STX8: variants seen among roughly 807,000 people sequenced by gnomAD.
STX8 encodes the protein syntaxin 8, also known as syntaxin-8.
STX8 carries 23 observed loss-of-function variants against 37.5 expected under a neutral mutation model. The ratio of observed to expected loss-of-function variants is 0.61; its 90% CI spans 0.44 to 0.87. STX8 has a LOEUF of 0.87. STX8 is among the 40% of genes least tolerant of loss of function. The pLI is 0.00. For missense variants in STX8, 313 were observed against 284.7 expected (o/e 1.10, Z -0.71); for synonymous variants, 115 against 99.1 (o/e 1.16, Z -0.95).
intron 6 of STX8, chr17:9,467,559 TC>T (rs1284097194): frequency 6.6e-6 from 1 of 152,168 alleles, no homozygotes; most frequent in African/African-American, 2.4e-5. Flanking sequence ...GAGAAGAGCA[TC>T]CTGGAGAAAG....
At chr17:9,490,779 C>A (rs1264090553) in intron 6 of STX8, among the ~76,000 whole-genome samples, 2 of 152,122 alleles carry the variant, frequency 1.3e-5, no homozygotes, top group Admixed American at 6.5e-5. Context: ...GAGAGGAAGC[C>A]AGTTTAGCAG....
intron 7 of STX8, among the ~76,000 whole-genome samples, chr17:9,294,434 G>C (rs1373641636): frequency 6.6e-6 from 1 of 152,228 alleles, no homozygotes; most frequent in African/African-American, 2.4e-5. Context: ...GGCAACTGTT[G>C]CTTCTCCATC....
chr17:9,522,792 A>C (rs1905408593), intron 4 of STX8, among the ~76,000 whole-genome samples: 1 of 152,028 alleles, frequency 6.6e-6, no homozygotes, highest in Non-Finnish European at 1.5e-5. Context: ...GGTTGGGGGA[A>C]GGAAAGGTTG....
chr17:9,508,517 T>C (rs950425497), intron 4 of STX8, among the ~76,000 whole-genome samples: 1 of 152,102 alleles, frequency 6.6e-6, no homozygotes, highest in Non-Finnish European at 1.5e-5. Context: ...TTGGTAGAGA[T>C]GGGGTTTCAC....
At chr17:9,305,325 T>C (rs1908941971) in intron 7 of STX8, among the ~76,000 whole-genome samples, 1 of 152,038 alleles carries the variant, frequency 6.6e-6, no homozygotes. Flanking sequence ...ACTCCTGACC[T>C]CGTGGTCCAC....
At chr17:9,369,320 C>T (rs547722332) in intron 7 of STX8, among the ~76,000 whole-genome samples, 2 of 152,030 alleles carry the variant, frequency 1.3e-5, no homozygotes, top group African/African-American at 4.8e-5. Flanking sequence ...GAAAAAGGGG[C>T]CAAGAGATTT....
At chr17:9,516,085 G>A (rs1171776077) in intron 4 of STX8, among the ~76,000 whole-genome samples, 1 of 151,726 alleles carries the variant, frequency 6.6e-6, no homozygotes, top group Non-Finnish European at 1.5e-5. Context: ...GGTATGTAAA[G>A]ATACTTTGAA....
chr17:9,556,750 AATATATATATATATATATATATAT>A lies in STX8; in HGVS notation c.212+660_212+683del, dbSNP rs575240217. ...CCTGGCCCAGATTATGAATTTCTAA[AATATATATATATATATATATATAT>A]ATATATATATATATATATATACACA... On this transcript the variant is annotated intron_variant, in intron 3 of 7. Transcript: ENST00000306357. 1.6e-3 allele frequency: 160 copies of A among 99,550 alleles called. 1 individual carries two copies. The highest frequency in any genetic ancestry group is 6.2e-3 in the African/African-American group (145 of 23,306). The allele number at this position is 99,550 out of a possible 1,614,324, so 6.2% of individuals were successfully genotyped here.
At chr17:9,346,499 A>G (rs979710538) in intron 7 of STX8, among the ~76,000 whole-genome samples, 5 of 152,180 alleles carry the variant, frequency 3.3e-5, no homozygotes, top group Non-Finnish European at 7.3e-5. Context: ...TTTAGCAAGC[A>G]ATGACCACAA....
At chr17:9,491,281 A>G (rs991814892) in intron 6 of STX8, among the ~76,000 whole-genome samples, 6 of 144,016 alleles carry the variant, frequency 4.2e-5, no homozygotes, top group African/African-American at 1.7e-4. Flanking sequence ...CTGCCCCTAC[A>G]ACCCATCCAG....
chr17:9,545,579 A>G (rs757939986), intron 3 of STX8, among the ~76,000 whole-genome samples: 5 of 152,006 alleles, frequency 3.3e-5, no homozygotes, highest in Non-Finnish European at 7.4e-5. Flanking sequence ...CCCCGTGACC[A>G]AACTTATTTA....
intron 3 of STX8, among the ~76,000 whole-genome samples, chr17:9,546,090 A>G (rs1906496551): frequency 6.6e-6 from 1 of 152,240 alleles, no homozygotes; most frequent in African/African-American, 2.4e-5. Flanking sequence ...ATCTATTAAC[A>G]CACCTAGGAT....
In STX8 at chr17:9,341,142, A is replaced by G. The variant is rs554420334; in HGVS notation, c.643+37410T>C. On this transcript the variant is annotated intron_variant, in intron 7 of 7. Transcript: ENST00000306357. ...CGAAATTAAGCAATTTCACATGGAA[A>G]TGGAGGTTTTGGCTTGCCTTGAAAA... Among the ~76,000 whole-genome samples the G allele has an allele frequency of 5.9e-5, 9 of 152,048 alleles. No individual in the cohort carries two copies. The South Asian group carries it at 1.9e-3, about 32-fold the overall frequency.
chr17:9,462,293 C>A lies in STX8; in HGVS notation c.541+29536G>T, dbSNP rs1001693075. Among the ~76,000 whole-genome samples the A allele has an allele frequency of 3.9e-5, 6 of 152,174 alleles. No individual in the cohort carries two copies. The South Asian group carries it at 1.2e-3, about 32-fold the overall frequency. ...GGCTGACAAGAAAGGCAGAAAGGAG[C>A]CCCTGGAGTGATCTAATGAAGACAA... On this transcript the variant is annotated intron_variant, in intron 6 of 7. Transcript: ENST00000306357.
At chr17:9,513,020 A>T (rs1029704851) in intron 4 of STX8, among the ~76,000 whole-genome samples, 5 of 152,212 alleles carry the variant, frequency 3.3e-5, no homozygotes, top group Non-Finnish European at 7.3e-5. Context: ...AAGCAAAAAG[A>T]AACGAATGAG....
chr17:9,488,522 T>A (rs1251913843), intron 6 of STX8, among the ~76,000 whole-genome samples: 2 of 152,116 alleles, frequency 1.3e-5, no homozygotes, highest in Admixed American at 1.3e-4. Context: ...CCCAATGTCA[T>A]GACAAGGGTC....
chr17:9,575,152 T>C (rs887434260), intron 1 of STX8, among the ~76,000 whole-genome samples: 1 of 152,258 alleles, frequency 6.6e-6, no homozygotes, highest in Non-Finnish European at 1.5e-5. Context: ...TCCTTGGGAT[T>C]AACTGCTAAA....
At chr17:9,513,139 A>C (rs1424159491) in intron 4 of STX8, among the ~76,000 whole-genome samples, 1 of 152,086 alleles carries the variant, frequency 6.6e-6, no homozygotes, top group Non-Finnish European at 1.5e-5. Context: ...CAGAGGATTA[A>C]TATGCAAAAT....
chr17:9,327,105 C>T (rs913342620), intron 7 of STX8, among the ~76,000 whole-genome samples: 28 of 149,956 alleles, frequency 1.9e-4, no homozygotes, highest in Admixed American at 6.7e-5. Flanking sequence ...TGCAGTGAGC[C>T]GAGATCACGC....
Sources: gnomAD v4.1 joint callset for allele counts (sites outside exome capture counted in the v4.1 genomes callset) on GRCh38, gnomAD v4.1.1 for gene constraint, MANE v1.5 for transcripts, NCBI Gene and HGNC (gene_info 2026-07-23, HGNC 2026-07-21) for gene names.